NLGN1: variants seen among roughly 807,000 people sequenced by gnomAD.
The protein encoded by NLGN1 is neuroligin-1.
NLGN1 carries 12 observed loss-of-function variants against 65.5 expected under a neutral mutation model. The ratio of observed to expected loss-of-function variants is 0.18; its 90% confidence interval spans 0.12 to 0.30. The LOEUF (loss-of-function observed/expected upper bound fraction) is 0.30. Ranked by LOEUF, NLGN1 falls within the 10% of genes least tolerant of loss-of-function variation. The pLI, the probability that NLGN1 is intolerant of heterozygous loss-of-function variation, is 1.00. For synonymous variants in NLGN1, 350 were observed against 359.5 expected (o/e 0.97, Z 0.30); for missense variants, 750 against 1,007.1 (o/e 0.74, Z 3.46).
exon 7 of NLGN1, chr3:174,282,312 G>A (rs1751629360): frequency 6.6e-6 from 1 of 152,150 alleles, no homozygotes; most frequent in African/African-American, 2.4e-5. Context: ...GTAAGGTGAA[G>A]TGTGTCCAAA....
At chr3:174,272,706 G>T (rs868284745) in intron 4 of NLGN1, among the ~76,000 whole-genome samples, 23 of 145,376 alleles carry the variant, frequency 1.6e-4, no homozygotes, top group South Asian at 2.2e-4. Context: ...TAGATAGATA[G>T]ATATAGATAG....
intron 3 of NLGN1, among the ~76,000 whole-genome samples, chr3:173,629,327 G>T (rs1485732346): frequency 3.9e-5 from 6 of 151,920 alleles, no homozygotes; most frequent in Non-Finnish European, 5.9e-5. Flanking sequence ...TGTTGCCCAG[G>T]CTGGTATTGG....
intron 3 of NLGN1, among the ~76,000 whole-genome samples, chr3:173,687,085 C>T (rs1764800539): frequency 6.6e-6 from 1 of 152,176 alleles, no homozygotes; most frequent in South Asian, 2.1e-4. Flanking sequence ...TAGTAGTCTG[C>T]ATGTTGGGTT....
At chr3:173,699,282 C>T (rs1766739852) in intron 3 of NLGN1, among the ~76,000 whole-genome samples, 1 of 152,110 alleles carries the variant, frequency 6.6e-6, no homozygotes, top group South Asian at 2.1e-4. Context: ...AGAACACAAA[C>T]TAAATGTTAC....
intron 3 of NLGN1, among the ~76,000 whole-genome samples, chr3:173,686,503 A>G (rs1764702046): frequency 6.6e-6 from 1 of 152,158 alleles, no homozygotes; most frequent in South Asian, 2.1e-4. Context: ...TGATCTAATC[A>G]AACTTTGCTC....
chr3:173,990,037 A>T (rs1487773932), intron 4 of NLGN1, among the ~76,000 whole-genome samples: 3 of 152,202 alleles, frequency 2.0e-5, no homozygotes, highest in African/African-American at 7.2e-5. Context: ...AGCTAGACAC[A>T]TTGTTTTGGG....
chr3:173,433,848 A>G (rs866558926), intron 1 of NLGN1, among the ~76,000 whole-genome samples: 8 of 152,184 alleles, frequency 5.3e-5, no homozygotes, highest in Admixed American at 2.6e-4. Flanking sequence ...CTTAGGTTAT[A>G]TAATTAGTAT....
At chr3:174,144,002 G>C (rs1409870662) in intron 4 of NLGN1, among the ~76,000 whole-genome samples, 2 of 152,030 alleles carry the variant, frequency 1.3e-5, no homozygotes, top group African/African-American at 4.8e-5. Context: ...GTGACATGGT[G>C]GTTTGCTGCA....
chr3:173,624,652 CTA>C (rs1754551527), intron 3 of NLGN1, among the ~76,000 whole-genome samples: 1 of 152,172 alleles, frequency 6.6e-6, no homozygotes, highest in East Asian at 1.9e-4. Context: ...AATCAGCTAA[CTA>C]TACTGTGTAG....
At chr3:173,932,054 G>A (rs1027933201) in intron 4 of NLGN1, among the ~76,000 whole-genome samples, 3 of 151,758 alleles carry the variant, frequency 2.0e-5, no homozygotes, top group African/African-American at 4.8e-5. Flanking sequence ...GTTTTCCAGA[G>A]CAAATGGAAG....
At chr3:174,273,592 A>G (rs996120322) in intron 4 of NLGN1, among the ~76,000 whole-genome samples, 20 of 151,752 alleles carry the variant, frequency 1.3e-4, no homozygotes, top group African/African-American at 3.6e-4. Context: ...AGAAGATACC[A>G]TAAAAATTTC....
At chr3:173,714,540 G>A (rs3913566) in intron 3 of NLGN1, among the ~76,000 whole-genome samples, 2,353 of 152,254 alleles carry the variant, frequency 0.015, 60 homozygotes, top group African/African-American at 0.052. Flanking sequence ...GATACAGCTT[G>A]AAAATTGTCC....
chr3:173,689,149 A>G (rs535810385), intron 3 of NLGN1, among the ~76,000 whole-genome samples: 5 of 152,240 alleles, frequency 3.3e-5, no homozygotes, highest in African/African-American at 9.6e-5. Context: ...GTATTCCTCT[A>G]GATTATGCTG....
intron 4 of NLGN1, among the ~76,000 whole-genome samples, chr3:174,116,685 CTG>C (rs1481586207): frequency 5.3e-5 from 8 of 152,050 alleles, no homozygotes; most frequent in Admixed American, 3.9e-4. Context: ...CATTTGGAAA[CTG>C]TATACATACT....
chr3:173,425,384 C>T (rs1039636757), intron 1 of NLGN1, among the ~76,000 whole-genome samples: 6 of 151,694 alleles, frequency 4.0e-5, no homozygotes, highest in African/African-American at 1.5e-4. Context: ...TATAGAATCT[C>T]ATTTGTCACC....
intron 2 of NLGN1, among the ~76,000 whole-genome samples, chr3:173,513,934 A>C (rs962385413): frequency 6.6e-6 from 1 of 152,178 alleles, no homozygotes; most frequent in African/African-American, 2.4e-5. Flanking sequence ...AGCCTGAGGC[A>C]GTAGAATCGT....
chr3:173,622,968 C>G (rs577032110), intron 3 of NLGN1, among the ~76,000 whole-genome samples: 3 of 152,176 alleles, frequency 2.0e-5, no homozygotes, highest in African/African-American at 7.2e-5. Flanking sequence ...CAAATAAATT[C>G]TTCAGAAATC....
chr3:173,425,769 G>A (rs1370846628), intron 1 of NLGN1, among the ~76,000 whole-genome samples: 1 of 151,942 alleles, frequency 6.6e-6, no homozygotes, highest in Non-Finnish European at 1.5e-5. Context: ...GTATTATAAT[G>A]CCTCTAGCTT....
At chr3:173,417,834 TTAAAC>T (rs1714107792) in intron 1 of NLGN1, among the ~76,000 whole-genome samples, 1 of 151,976 alleles carries the variant, frequency 6.6e-6, no homozygotes, top group African/African-American at 2.4e-5. Context: ...GTGTTTCTTC[TTAAAC>T]TAAACTTTTA....
Sources: gnomAD v4.1 joint callset for allele counts (sites outside exome capture counted in the v4.1 genomes callset) on GRCh38, gnomAD v4.1.1 for gene constraint, MANE v1.5 for transcripts, NCBI Gene and HGNC (gene_info 2026-07-23, HGNC 2026-07-21) for gene names.